The following TUBGCP5 variants were observed in gnomAD, a reference collection of about 807,000 sequenced individuals.
TUBGCP5 encodes the protein tubulin gamma complex component 5, also known as gamma-tubulin complex component 5.
Under a neutral mutation model 134.7 loss-of-function variants are expected in TUBGCP5, and 98 were observed. That is an observed-to-expected ratio of 0.73 (90% CI 0.62 to 0.86). The LOEUF (loss-of-function observed/expected upper bound fraction) is 0.86. TUBGCP5 is among the 40% of genes least tolerant of loss of function. The pLI is 0.00. For missense variants in TUBGCP5, 1,150 were observed against 1,244.8 expected, an observed-to-expected ratio of 0.92 and a Z score of 1.15; for synonymous variants, 456 against 431.4, an observed-to-expected ratio of 1.06 and a Z score of -0.71.
intron 23 of TUBGCP5, chr15:22,983,712 G>C (rs4778299): frequency 6.6e-6 from 1 of 151,954 alleles, no homozygotes; most frequent in Non-Finnish European, 1.5e-5. Context: ...GATGTAGTTC[G>C]TCTCTCTCTC....
rs1286181534 is a variant in TUBGCP5, at chr15:23,017,783, T to C, written c.1746A>G (p.Ala582=). 3 of 1,613,340 alleles carry C rather than the reference T, an allele frequency of 1.9e-6. No homozygotes were observed. The South Asian group carries it at 3.3e-5, about 18-fold the overall frequency. The change falls in exon 13 of 23, where the codon GCA becomes GCG. Residue 582 remains alanine (A), a synonymous_variant. Coordinates refer to ENST00000615383, the MANE Select transcript of TUBGCP5 (RefSeq NM_052903.6). ...AGACGGAACAAGTACCTCTGGCTCCTGCCTGGCAGGTGGTGCTCTCCGCAC... is the reference window on the plus strand; with the variant it reads ...AGACGGAACAAGTACCTCTGGCTCCCGCCTGGCAGGTGGTGCTCTCCGCAC... The part of the protein sequence containing the change: ...LQCAESTTCQ[A]GARDAERKSL...
chr15:22,986,133 C>CAAAAAAA (rs35699215), intron 23 of TUBGCP5, among the ~76,000 whole-genome samples: 9 of 114,074 alleles, frequency 7.9e-5, no homozygotes, highest in South Asian at 2.7e-4. Context: ...GACTCTGTCT[C>CAAAAAAA]AAAAAAAAAA....
At position 23,013,085 on chromosome 15, in the gene TUBGCP5, G is replaced by C. The variant is rs1319862888; in HGVS notation, c.1757-1754C>G. ...GCCACTGCACTCCAGTCGCCAGCAA[G>C]GTGGCTGCCTGGAGACGTCTGGTGT... is the stretch of plus-strand genomic sequence containing the variant. On this transcript the variant is annotated intron_variant, in intron 13 of 22. Transcript: ENST00000615383. The surrounding 1 kb of genome is among the most constrained non-coding windows in gnomAD (Gnocchi z 4.5). 1.3e-5 allele frequency among the ~76,000 whole-genome samples: 2 copies of C among 151,190 alleles called. No homozygotes were observed. The highest frequency in any genetic ancestry group is 6.6e-5 in the Admixed American group (1 of 15,172).
In TUBGCP5 at chr15:23,023,569, G is replaced by A. The variant is rs185075724; in HGVS notation, c.1168+378C>T. Reference sequence around the variant, plus strand: ...GGTATTATCCTCAAAATTTAAACTGGAAAAATTTGAAGAGAGCAGTGTAAT... The same window carrying A: ...GGTATTATCCTCAAAATTTAAACTGAAAAAATTTGAAGAGAGCAGTGTAAT... On this transcript the variant is annotated intron_variant, in intron 10 of 22. Transcript: ENST00000615383. The A allele has an allele frequency of 6.2e-4, 103 of 167,318 alleles. 1 individual carries two copies. The highest frequency in any genetic ancestry group is 2.2e-3 in the African/African-American group (93 of 41,636). 10.4% of individuals were successfully genotyped at this position (167,318 alleles called of 1,614,324 possible).
At chr15:23,019,513 A>G (rs2065538615) in intron 11 of TUBGCP5, 179 bp from the exon 12 acceptor site, 2 of 579,530 alleles carry the variant, frequency 3.5e-6, no homozygotes, top group African/African-American at 3.7e-5. Context: ...AAACTCACCT[A>G]AATGCCGGGC....
chr15:23,022,895 G>A (rs2065782200), intron 10 of TUBGCP5, among the ~76,000 whole-genome samples: 1 of 152,180 alleles, frequency 6.6e-6, no homozygotes. Context: ...TTTTACAGCT[G>A]TCATACTGGT....
At chr15:23,020,598 A>G (rs1260328703) in intron 11 of TUBGCP5, among the ~76,000 whole-genome samples, 1 of 151,460 alleles carries the variant, frequency 6.6e-6, no homozygotes, top group East Asian at 1.9e-4. Flanking sequence ...AAAAAAAAAA[A>G]AAAAAAAAGA....
chr15:23,021,310 CAT>C (rs991994091), intron 11 of TUBGCP5, among the ~76,000 whole-genome samples: 1 of 151,882 alleles, frequency 6.6e-6, no homozygotes, highest in Non-Finnish European at 1.5e-5. Context: ...AAATATATAA[CAT>C]AAAATTTATC....
At position 23,013,477 on chromosome 15, in the gene TUBGCP5, C is replaced by T. The variant is rs998816515; in HGVS notation, c.1757-2146G>A. On this transcript the variant is annotated intron_variant, in intron 13 of 22. Coordinates refer to ENST00000615383, the MANE Select transcript of TUBGCP5 (RefSeq NM_052903.6). The surrounding 1 kb of genome is among the most constrained non-coding windows in gnomAD (Gnocchi z 4.5). The stretch of plus-strand genomic sequence containing the variant: ...AAAAGATCCGACTGGAGTTGAAGGG[C>T]GAGTGCTGGAGTGCAGAGGGGGAAT... 3.3e-5 allele frequency among the ~76,000 whole-genome samples: 5 copies of T among 151,788 alleles called. No individual in the cohort carries two copies. Among genetic ancestry groups the T allele is most frequent in the Admixed American group, 2.6e-4 (4 of 15,244 alleles).
At chr15:23,011,982 G>A (rs1416110370) in intron 13 of TUBGCP5, among the ~76,000 whole-genome samples, 2 of 151,458 alleles carry the variant, frequency 1.3e-5, no homozygotes, top group Non-Finnish European at 2.9e-5. Flanking sequence ...AGTGGAATGT[G>A]CCTGTGGTCC....
At chr15:23,001,287 C>T (rs1286518264) in intron 21 of TUBGCP5, among the ~76,000 whole-genome samples, 1 of 151,372 alleles carries the variant, frequency 6.6e-6, no homozygotes, top group Non-Finnish European at 1.5e-5. Flanking sequence ...AGCTGATCTG[C>T]CCCCACTGGC....
At chr15:23,009,437 T>G (rs190555691) in intron 15 of TUBGCP5, among the ~76,000 whole-genome samples, 24 of 151,918 alleles carry the variant, frequency 1.6e-4, no homozygotes, top group African/African-American at 5.6e-4. Context: ...CCCGGCGAAT[T>G]TTTTGTATTT....
At chr15:23,025,747 C>T (rs892772282) in intron 8 of TUBGCP5, among the ~76,000 whole-genome samples, 8 of 150,806 alleles carry the variant, frequency 5.3e-5, no homozygotes, top group Non-Finnish European at 8.8e-5. Flanking sequence ...AGGAGAATGG[C>T]GTGAACCCAG....
intron 7 of TUBGCP5, 121 bp downstream of exon 7, chr15:23,027,071 A>C (rs2140605165): frequency 1.3e-6 from 1 of 787,004 alleles, no homozygotes; most frequent in African/African-American, 1.8e-5. Flanking sequence ...AAAAAAAAGA[A>C]TTGTCAAAAC....
intron 23 of TUBGCP5, among the ~76,000 whole-genome samples, chr15:22,992,440 C>T (rs1157037797): frequency 6.6e-6 from 1 of 152,104 alleles, no homozygotes. Flanking sequence ...AGCAAGTCCA[C>T]GATTATCCAC....
chr15:22,994,519 G>A (rs770607155), downstream of TUBGCP5, among the ~76,000 whole-genome samples: 1 of 152,188 alleles, frequency 6.6e-6, no homozygotes, highest in Non-Finnish European at 1.5e-5. Flanking sequence ...CAAGCAGTTT[G>A]AGACTCATCC....
At position 22,987,391 on chromosome 15, in the gene TUBGCP5, G is replaced by A. The variant is rs185811883; in HGVS notation, c.*62-3780C>T. Reference sequence around the variant, plus strand: ...TGTCCTGTTTTTAGGTTTCTGTCACGGTCACAACAAATTACTACAAATTTT... The same window carrying A: ...TGTCCTGTTTTTAGGTTTCTGTCACAGTCACAACAAATTACTACAAATTTT... On this transcript the variant is annotated intron_variant and NMD_transcript_variant, in intron 23 of 23. Transcript: ENST00000614508. 5.3e-5 allele frequency among the ~76,000 whole-genome samples: 8 copies of A among 151,474 alleles called. No individual in the cohort carries two copies. The East Asian group carries it at 1.2e-3, about 22-fold the overall frequency.
intron 16 of TUBGCP5, among the ~76,000 whole-genome samples, chr15:23,008,136 C>A (rs981764327): frequency 2.0e-5 from 3 of 152,188 alleles, no homozygotes; most frequent in Middle Eastern, 3.4e-3. Context: ...CTCCTAAGCT[C>A]AAGCAATCCT....
At chr15:23,020,584 C>CAAAAAAAAAA (rs542905350) in intron 11 of TUBGCP5, among the ~76,000 whole-genome samples, 7 of 76,234 alleles carry the variant, frequency 9.2e-5, no homozygotes, top group Admixed American at 1.9e-4. Flanking sequence ...GACTACGTCT[C>CAAAAAAAAAA]AAAAAAAAAA....
Sources: gnomAD v4.1 joint callset for allele counts (sites outside exome capture counted in the v4.1 genomes callset) on GRCh38, gnomAD v4.1.1 for gene constraint, Gnocchi (gnomAD v3.1) non-coding constraint, MANE v1.5 for transcripts, NCBI Gene and HGNC (gene_info 2026-07-23, HGNC 2026-07-21) for gene names.